STK33: variants seen among roughly 807,000 people sequenced by gnomAD.
The protein encoded by STK33 is serine/threonine-protein kinase 33.
In STK33, 52 loss-of-function variants were observed where a neutral mutation model predicts 58.0. The ratio of observed to expected loss-of-function variants is 0.90; its 90% CI spans 0.72 to 1.13. STK33 has a LOEUF of 1.13. Ranked by LOEUF, STK33 falls within the 50% of genes most tolerant of loss-of-function variation. STK33 has a pLI of 0.00. For missense variants in STK33, 630 were observed against 604.2 expected, an observed-to-expected ratio of 1.04 and a Z score of -0.45; for synonymous variants, 215 against 200.1, an observed-to-expected ratio of 1.07 and a Z score of -0.63.
intron 15 of STK33, among the ~76,000 whole-genome samples, chr11:8,395,322 G>T (rs953335775): frequency 6.6e-6 from 1 of 152,150 alleles, no homozygotes; most frequent in Non-Finnish European, 1.5e-5. Context: ...GTTTTATAAA[G>T]GGCAGTTCCC....
chr11:8,591,725 T>C (rs1453768624), intron 1 of STK33, among the ~76,000 whole-genome samples: 2 of 151,638 alleles, frequency 1.3e-5, no homozygotes, highest in Non-Finnish European at 2.9e-5. Flanking sequence ...CTCCGCAAAC[T>C]ATCGCAAGGA....
intron 1 of STK33, among the ~76,000 whole-genome samples, chr11:8,546,300 G>A (rs1955907594): frequency 6.6e-6 from 1 of 152,116 alleles, no homozygotes; most frequent in Admixed American, 6.5e-5. Flanking sequence ...CTAGCTTACT[G>A]TAACTTTTTA....
intron 1 of STK33, among the ~76,000 whole-genome samples, chr11:8,552,910 G>A (rs997069902): frequency 1.3e-5 from 2 of 151,666 alleles, no homozygotes; most frequent in Non-Finnish European, 2.9e-5. Flanking sequence ...CAACACTTTG[G>A]GAGGCCAAGG....
chr11:8,542,814 A>T (rs1475915756), intron 1 of STK33, among the ~76,000 whole-genome samples: 1 of 152,060 alleles, frequency 6.6e-6, no homozygotes, highest in Non-Finnish European at 1.5e-5. Flanking sequence ...GGCTCAAGAG[A>T]TCCTCCCCAC....
chr11:8,500,784 C>T (rs1951457451), intron 1 of STK33, among the ~76,000 whole-genome samples: 1 of 152,134 alleles, frequency 6.6e-6, no homozygotes, highest in African/African-American at 2.4e-5. Context: ...TTAAAGCTTA[C>T]TTCAAAACTA....
At chr11:8,394,539 G>A (rs1849024563) in intron 15 of STK33, among the ~76,000 whole-genome samples, 1 of 152,106 alleles carries the variant, frequency 6.6e-6, no homozygotes, top group South Asian at 2.1e-4. Context: ...CTGGCTTAAT[G>A]GTTCCATTCT....
At chr11:8,376,645 G>C in the STK33 span, among the ~76,000 whole-genome samples, 2 of 151,942 alleles carry the variant, frequency 1.3e-5, no homozygotes, top group Non-Finnish European at 2.9e-5. Flanking sequence ...GGGTTCAAGT[G>C]ATTCCCCTGC....
chr11:8,457,242 G>A (rs1946969896), intron 9 of STK33, 99 bp downstream of exon 9: 1 of 1,057,998 alleles, frequency 9.5e-7, no homozygotes, highest in South Asian at 3.5e-5. Flanking sequence ...ATATTAGCAG[G>A]TGTTATTTAT....
chr11:8,377,196 C>A, the STK33 span, among the ~76,000 whole-genome samples: 1 of 152,194 alleles, frequency 6.6e-6, no homozygotes, highest in African/African-American at 2.4e-5. Context: ...TCGAGAGTGA[C>A]CAGTAGATAC....
chr11:8,408,174 A>T (rs1939597110), intron 15 of STK33, among the ~76,000 whole-genome samples: 1 of 152,228 alleles, frequency 6.6e-6, no homozygotes, highest in South Asian at 2.1e-4. Context: ...GATATAATAC[A>T]TGTAACACTT....
Position 8,515,924 on chromosome 11 carries a change from G to C in STK33, c.-465-35310C>G, listed in dbSNP as rs1272696126. Among the ~76,000 whole-genome samples the C allele has an allele frequency of 2.0e-5, 3 of 152,054 alleles. No individual in the cohort carries two copies. The East Asian group carries it at 5.8e-4, about 29-fold the overall frequency. On this transcript the variant is annotated intron_variant, in intron 1 of 15. Coordinates refer to ENST00000687296, the MANE Select transcript of STK33 (RefSeq NM_001352389.2). ...AAAACTGAAAGCTTTATAAGATCTG[G>C]GGCAAGAAAGACATCCTATGTTCAT...
intron 10 of STK33, among the ~76,000 whole-genome samples, 199 bp downstream of exon 10, chr11:8,454,545 C>T (rs1258229489): frequency 6.6e-6 from 1 of 152,168 alleles, no homozygotes; most frequent in Non-Finnish European, 1.5e-5. Flanking sequence ...ACTTTAAAAA[C>T]ACATTCAATA....
At chr11:8,372,737 T>C in the STK33 span, among the ~76,000 whole-genome samples, 1 of 152,234 alleles carries the variant, frequency 6.6e-6, no homozygotes, top group Admixed American at 6.5e-5. Flanking sequence ...GGTTGCCCAC[T>C]ACAGCCCTTA....
intron 11 of STK33, among the ~76,000 whole-genome samples, chr11:8,444,550 C>T (rs1341390230): frequency 6.6e-6 from 1 of 151,910 alleles, no homozygotes; most frequent in East Asian, 1.9e-4. Context: ...TCCTATTATA[C>T]ATATAGAAAC....
At chr11:8,584,077 G>A (rs752704694) in intron 1 of STK33, among the ~76,000 whole-genome samples, 5 of 146,554 alleles carry the variant, frequency 3.4e-5, no homozygotes, top group Admixed American at 1.4e-4. Context: ...TTATTGAATC[G>A]CAGAATGATT....
At chr11:8,342,767 C>T in the STK33 span, among the ~76,000 whole-genome samples, 6 of 152,342 alleles carry the variant, frequency 3.9e-5, no homozygotes, top group African/African-American at 1.4e-4. Flanking sequence ...CATCCTTCTT[C>T]TAATGGATAG....
At chr11:8,383,829 G>C in the STK33 span, among the ~76,000 whole-genome samples, 2 of 152,148 alleles carry the variant, frequency 1.3e-5, no homozygotes, top group East Asian at 3.8e-4. Context: ...TTGATACCAG[G>C]TCTCCCTGGA....
At chr11:8,526,628 G>C (rs1490216838) in intron 1 of STK33, among the ~76,000 whole-genome samples, 1 of 151,938 alleles carries the variant, frequency 6.6e-6, no homozygotes, top group Admixed American at 6.6e-5. Context: ...TCAACAGCTG[G>C]ATGAATACGA....
intron 14 of STK33, among the ~76,000 whole-genome samples, chr11:8,427,270 T>C (rs1942885705): frequency 1.3e-5 from 2 of 152,218 alleles, no homozygotes; most frequent in Non-Finnish European, 2.9e-5. Context: ...TCTTTTTCCC[T>C]TAATACAGTT....
Sources: allele counts gnomAD v4.1 joint callset (sites outside exome capture counted in the v4.1 genomes callset), GRCh38; gene constraint gnomAD v4.1.1; transcripts MANE v1.5; gene names NCBI Gene and HGNC (gene_info 2026-07-23, HGNC 2026-07-21).